The following NRG3 variants were observed in gnomAD, a reference collection of about 807,000 sequenced individuals.
The protein encoded by NRG3 is neuregulin 3, also known as pro-neuregulin-3, membrane-bound isoform.
Under a neutral mutation model 66.9 loss-of-function variants are expected in NRG3, and 31 were observed. The observed-to-expected ratio is 0.46, with a 90% CI of 0.35 to 0.63. The LOEUF is 0.63. Ranked by LOEUF, NRG3 falls within the 20% of genes least tolerant of loss-of-function variation. The probability of loss-of-function intolerance (pLI) is 0.00; values close to 1 mark genes in which losing one functional copy is unlikely to be tolerated. For missense variants in NRG3, 910 were observed against 878.9 expected, an observed-to-expected ratio of 1.04 and a Z score of -0.45; for synonymous variants, 393 against 359.4, an observed-to-expected ratio of 1.09 and a Z score of -1.06.
intron 2 of NRG3, among the ~76,000 whole-genome samples, chr10:82,476,215 T>C (rs928418893): frequency 2.0e-5 from 3 of 152,178 alleles, no homozygotes; most frequent in Non-Finnish European, 4.4e-5. Context: ...AAACAAGTTT[T>C]GGTGAGAATG....
At chr10:82,866,687 A>G (rs1056183960) in intron 4 of NRG3, among the ~76,000 whole-genome samples, 3 of 152,198 alleles carry the variant, frequency 2.0e-5, no homozygotes, top group African/African-American at 4.8e-5. Context: ...TGAAAGAAGA[A>G]TGACCGTTTC....
At chr10:82,379,835 A>C (rs2085490914) in intron 2 of NRG3, among the ~76,000 whole-genome samples, 1 of 151,560 alleles carries the variant, frequency 6.6e-6, no homozygotes, top group African/African-American at 2.4e-5. Flanking sequence ...TGGAAGCCTT[A>C]ACAGTGATGT....
chr10:82,083,720 G>A (rs1488813113), intron 1 of NRG3, among the ~76,000 whole-genome samples: 1 of 150,578 alleles, frequency 6.6e-6, no homozygotes, highest in African/African-American at 2.4e-5. Context: ...TCAGCCTCCC[G>A]AGTAGCTGGG....
chr10:81,947,669 G>A (rs969105383), intron 1 of NRG3, among the ~76,000 whole-genome samples: 11 of 151,688 alleles, frequency 7.3e-5, no homozygotes, highest in African/African-American at 2.7e-4. Context: ...TTCCAGATTA[G>A]CCGAGCCAAA....
At chr10:82,749,813 A>G (rs1331632189) in intron 3 of NRG3, among the ~76,000 whole-genome samples, 1 of 151,998 alleles carries the variant, frequency 6.6e-6, no homozygotes, top group Non-Finnish European at 1.5e-5. Context: ...AAGATGGAAA[A>G]TGGGGCCAAG....
intron 2 of NRG3, among the ~76,000 whole-genome samples, chr10:82,736,480 T>C (rs893047401): frequency 6.6e-6 from 1 of 152,234 alleles, no homozygotes; most frequent in Non-Finnish European, 1.5e-5. Flanking sequence ...GTTTGCTGCC[T>C]GCCCAGCCAC....
chr10:82,651,884 C>T lies in NRG3; in HGVS notation c.954-86693C>T, dbSNP rs566503538. Among the ~76,000 whole-genome samples the T allele has an allele frequency of 2.8e-4, 42 of 152,314 alleles. 1 individual carries two copies. Among genetic ancestry groups the T allele is most frequent in the African/African-American group, 8.7e-4 (36 of 41,580 alleles). The stretch of plus-strand genomic sequence containing the variant: ...GACTGCATCCCAGTTGACATTTGGA[C>T]TGCAACATTGAGGCAGGATATTTCC... On this transcript the variant is annotated intron_variant, in intron 2 of 8. Transcript: ENST00000372141.
chr10:82,817,037 T>G (rs1010158089), intron 3 of NRG3, among the ~76,000 whole-genome samples: 11 of 152,200 alleles, frequency 7.2e-5, no homozygotes, highest in Non-Finnish European at 1.3e-4. Context: ...TAGAAGAAAT[T>G]GTATCAGTTT....
chr10:81,888,867 A>C (rs1212414238), intron 1 of NRG3, among the ~76,000 whole-genome samples: 2 of 152,308 alleles, frequency 1.3e-5, no homozygotes, highest in African/African-American at 2.4e-5. Flanking sequence ...TGACTTGGAG[A>C]GAGGAATGAG....
chr10:82,952,749 G>T (rs1313948410), intron 5 of NRG3, among the ~76,000 whole-genome samples: 1 of 151,622 alleles, frequency 6.6e-6, no homozygotes, highest in Non-Finnish European at 1.5e-5. Flanking sequence ...TAATTTCCAG[G>T]TATAGTTTGT....
intron 1 of NRG3, among the ~76,000 whole-genome samples, chr10:82,082,625 G>C (rs2065459623): frequency 6.6e-6 from 1 of 152,126 alleles, no homozygotes; most frequent in African/African-American, 2.4e-5. Flanking sequence ...ACATGAGCCT[G>C]ACAAAAAATA....
At chr10:82,177,314 G>A (rs1269102291) in intron 1 of NRG3, among the ~76,000 whole-genome samples, 2 of 151,948 alleles carry the variant, frequency 1.3e-5, no homozygotes, top group African/African-American at 4.8e-5. Flanking sequence ...CAAAGGGTTT[G>A]TGATTATCTG....
chr10:82,446,645 G>A (rs970666031), intron 2 of NRG3, among the ~76,000 whole-genome samples: 1 of 152,158 alleles, frequency 6.6e-6, no homozygotes, highest in Non-Finnish European at 1.5e-5. Flanking sequence ...CGGGGAGGGA[G>A]TACGGAGAGG....
At chr10:82,949,048 T>C (rs1319854305) in intron 4 of NRG3, among the ~76,000 whole-genome samples, 1 of 152,120 alleles carries the variant, frequency 6.6e-6, no homozygotes, top group Non-Finnish European at 1.5e-5. Flanking sequence ...TACTCTTTAT[T>C]AGGTTGAGGA....
Position 82,973,851 on chromosome 10 carries a change from G to A in NRG3, c.1348G>A (p.Gly450Ser), listed in dbSNP as rs144817913. Residue 450 changes from glycine to serine, a missense_variant, in exon 7 of 9, where the codon GGC becomes AGC. Physicochemically the swap from Gly to Ser is moderately conservative, Grantham distance 56. Coordinates refer to ENST00000372141, the MANE Select transcript of NRG3 (RefSeq NM_001010848.4). ...GAAAATGATGGAGTCAAGTTTTGTC[G>A]GCCCCCAGTCATTCCCTGAGGTCCC... ...LEKMMESSFV[G>S]PQSFPEVPSP... is the part of the protein sequence containing the mutation. 1.5e-5 allele frequency: 24 copies of A among 1,613,810 alleles called. No individual in the cohort carries two copies. Among genetic ancestry groups the A allele is most frequent in the East Asian group, 4.5e-5 (2 of 44,864 alleles).
chr10:82,359,585 A>G (rs185972096), intron 2 of NRG3, among the ~76,000 whole-genome samples: 1 of 152,332 alleles, frequency 6.6e-6, no homozygotes, highest in East Asian at 1.9e-4. Flanking sequence ...CTGTGGCTTT[A>G]AGACTCAATA....
rs148795909 is a variant in NRG3, at chr10:82,349,988, C to T, written c.824-8751C>T. On this transcript the variant is annotated intron_variant, in intron 1 of 8. Coordinates refer to ENST00000372141, the MANE Select transcript of NRG3 (RefSeq NM_001010848.4). ...CTGGCACTCCCTAGTGAGATGAACC[C>T]GGTACCTCAGATGGAAATGCGGAAA... Among the ~76,000 whole-genome samples the T allele has an allele frequency of 8.3e-4, 127 of 152,246 alleles. 2 individuals carry two copies. In the East Asian group the frequency reaches 0.023, roughly 28 times the overall value.
At chr10:82,841,121 G>A (rs1001758320) in intron 3 of NRG3, among the ~76,000 whole-genome samples, 1 of 152,122 alleles carries the variant, frequency 6.6e-6, no homozygotes, top group African/African-American at 2.4e-5. Flanking sequence ...GGCATGGACT[G>A]GAGTTATGCT....
chr10:82,928,715 T>C (rs979849288), intron 4 of NRG3, among the ~76,000 whole-genome samples: 16 of 151,902 alleles, frequency 1.1e-4, no homozygotes, highest in African/African-American at 3.9e-4. Flanking sequence ...AAAGCAACCA[T>C]AGACAATACA....
Sources: gnomAD v4.1 joint callset for allele counts (sites outside exome capture counted in the v4.1 genomes callset) on GRCh38, gnomAD v4.1.1 for gene constraint, MANE v1.5 for transcripts, NCBI Gene and HGNC (gene_info 2026-07-23, HGNC 2026-07-21) for gene names.